Variants in EGF observed in about 807,000 individuals in gnomAD.
The protein encoded by EGF is epidermal growth factor, also known as pro-epidermal growth factor.
In EGF, 95 loss-of-function variants were observed where a neutral mutation model predicts 143.8. The observed-to-expected ratio is 0.66, with a 90% CI of 0.56 to 0.78. The LOEUF (loss-of-function observed/expected upper bound fraction) is 0.78. EGF is among the 30% of genes least tolerant of loss of function. The pLI is 0.00. For missense variants in EGF, 1,320 were observed against 1,470.9 expected, an observed-to-expected ratio of 0.90 and a Z score of 1.68; for synonymous variants, 510 against 510.5, an observed-to-expected ratio of 1.00 and a Z score of 0.01.
At position 109,994,402 on chromosome 4, in the gene EGF, A is replaced by C. The variant is rs74566675; in HGVS notation, c.2858-331A>C. ...AGACCTTGAAGCTAACTGTCACTTC[A>C]CATGGTTAGTGTATGTTTGTGTGTG... is the stretch of plus-strand genomic sequence containing the variant. On this transcript the variant is annotated intron_variant, in intron 19 of 23. Coordinates refer to ENST00000265171, the MANE Select transcript of EGF (RefSeq NM_001963.6). Among the ~76,000 whole-genome samples, 19 of 152,316 alleles carry C rather than the reference A, an allele frequency of 1.2e-4. 1 individual carries two copies. In the East Asian group the frequency reaches 3.7e-3, roughly 29 times the overall value.
chr4:109,948,723 C>A lies in EGF; in HGVS notation c.940+3448C>A, dbSNP rs1040395775. On this transcript the variant is annotated intron_variant, in intron 5 of 23. Coordinates refer to ENST00000265171, the MANE Select transcript of EGF (RefSeq NM_001963.6). ...CTGGTCTCAAACTCCTGAGCTCAAG[C>A]GATCTGCCTGCCTCAGCCTCCCAAA... 3.9e-5 allele frequency among the ~76,000 whole-genome samples: 6 copies of A among 152,012 alleles called. No individual in the cohort carries two copies. The South Asian group carries it at 1.2e-3, about 31-fold the overall frequency.
At chr4:109,998,778 G>T (rs182364564) in intron 20 of EGF, among the ~76,000 whole-genome samples, 2 of 152,264 alleles carry the variant, frequency 1.3e-5, no homozygotes, top group Admixed American at 1.3e-4. Context: ...AGTCCTTTTG[G>T]AATAAAGTGG....
At chr4:109,988,175 T>C (rs1750421642) in intron 17 of EGF, among the ~76,000 whole-genome samples, 1 of 150,918 alleles carries the variant, frequency 6.6e-6, no homozygotes, top group South Asian at 2.1e-4. Flanking sequence ...ACTTCACCAA[T>C]TCCAATGAAA....
chr4:109,986,453 C>T (rs778739466), intron 16 of EGF, among the ~76,000 whole-genome samples: 10 of 152,302 alleles, frequency 6.6e-5, no homozygotes, highest in Non-Finnish European at 1.0e-4. Flanking sequence ...GCATGAAAGG[C>T]ATCTGCTCCC....
rs973806292 is a variant in EGF, at chr4:110,004,399, A to G, written c.3174-106A>G. On this transcript the variant is annotated intron_variant, in intron 21 of 23. Coordinates refer to ENST00000265171, the MANE Select transcript of EGF (RefSeq NM_001963.6). ...CATATTTCTTCTCTCCCACACAAGT[A>G]CTTAAATTTTAGTAGCAAAAGCAGT... 3.3e-6 allele frequency: 3 copies of G among 905,804 alleles called. No individual in the cohort carries two copies. The African/African-American group carries it at 4.9e-5, about 15-fold the overall frequency. 56.1% of individuals were successfully genotyped at this position (905,804 alleles called of 1,614,324 possible).
intron 6 of EGF, 141 bp downstream of exon 6, chr4:109,959,578 C>T (rs1406277261): frequency 8.2e-7 from 1 of 1,217,284 alleles, no homozygotes; most frequent in African/African-American, 1.5e-5. Context: ...CTCCCCGTCC[C>T]CCACACAACC....
chr4:109,966,464 T>C (rs1376190062), intron 10 of EGF, among the ~76,000 whole-genome samples: 2 of 152,194 alleles, frequency 1.3e-5, no homozygotes, highest in East Asian at 3.8e-4. Context: ...CTTAGATTGA[T>C]TCCATGACTT....
chr4:109,957,314 C>T (rs1249594457), intron 5 of EGF, among the ~76,000 whole-genome samples: 1 of 152,186 alleles, frequency 6.6e-6, no homozygotes, highest in African/African-American at 2.4e-5. Flanking sequence ...GCCAAATCCC[C>T]AAACAGGTCA....
intron 1 of EGF, among the ~76,000 whole-genome samples, chr4:109,923,104 TA>T (rs1023048737): frequency 5.9e-5 from 9 of 151,452 alleles, no homozygotes; most frequent in African/African-American, 1.2e-4. Context: ...CCCCATTAAT[TA>T]TTTTTTTTAA....
intron 1 of EGF, among the ~76,000 whole-genome samples, chr4:109,939,165 G>A (rs115876900): frequency 0.016 from 2,418 of 152,330 alleles, 51 homozygotes; most frequent in African/African-American, 0.05. Flanking sequence ...GTTGAGCTGC[G>A]TTGGGCTCTG....
At chr4:110,005,036 C>CTTTTTTTTTTTTT (rs538062029) in intron 22 of EGF, among the ~76,000 whole-genome samples, 35 of 80,694 alleles carry the variant, frequency 4.3e-4, no homozygotes, top group Admixed American at 6.9e-4. Context: ...TTTTCTCTGT[C>CTTTTTTTTTTTTT]TTTTTTTTTT....
intron 5 of EGF, among the ~76,000 whole-genome samples, chr4:109,955,498 G>C (rs1235285860): frequency 1.3e-5 from 2 of 152,114 alleles, no homozygotes; most frequent in Non-Finnish European, 2.9e-5. Context: ...CTGAATTCAG[G>C]TCACGTCATC....
chr4:109,999,845 A>C lies in EGF; in HGVS notation c.3172A>C (p.Arg1058=). The change falls in exon 21 of 24, where the codon AGG becomes CGG. Residue 1058 remains arginine, a splice_region_variant and synonymous_variant. Coordinates refer to ENST00000265171, the MANE Select transcript of EGF (RefSeq NM_001963.6). ...LLSLWGAHYY[R]TQKLLSKNPK... is the part of the protein sequence containing the mutation. ...GAGCCTGTGGGGGGCCCACTACTAC[A>C]GGTGACCCTGTCTTTCCTTTGGTAC... The C allele has an allele frequency of 6.2e-7, 1 of 1,613,260 alleles. No individual in the cohort carries two copies. The highest frequency in any genetic ancestry group is 1.3e-5 in the African/African-American group (1 of 75,038).
At position 110,011,693 on chromosome 4, in the gene EGF, C is replaced by A. The variant is rs1048701469; in HGVS notation, c.*238C>A. ...GAATCACTAGGTAACTTATTAGAAA[C>A]CCAAATTGGGACAACAGTGCTTTGT... On this transcript the variant is annotated 3_prime_UTR_variant, in exon 24 of 24. Transcript: ENST00000265171. 3.4e-6 allele frequency: 2 copies of A among 592,304 alleles called. No individual in the cohort carries two copies. The highest frequency in any genetic ancestry group is 2.9e-6 in the Non-Finnish European group (1 of 344,656). 36.7% of individuals were successfully genotyped at this position (592,304 alleles called of 1,614,324 possible). A position where few individuals can be genotyped will look rare whatever the true frequency, so the allele number is the denominator to read the frequency against.
At chr4:109,993,132 A>G in intron 18 of EGF, 115 bp from the exon 19 acceptor site, 1 of 1,306,246 alleles carries the variant, frequency 7.7e-7, no homozygotes. Context: ...TAGGTCTCTG[A>G]GAACATATAG....
chr4:109,936,122 T>C (rs1408709512), intron 1 of EGF, among the ~76,000 whole-genome samples: 1 of 152,246 alleles, frequency 6.6e-6, no homozygotes, highest in African/African-American at 2.4e-5. Flanking sequence ...GAAGGAATGA[T>C]ACCAGCTCCT....
Position 110,012,221 on chromosome 4 carries a change from G to A in EGF, c.*766G>A, listed in dbSNP as rs1754054983. 1.3e-5 allele frequency: 2 copies of A among 152,076 alleles called. No individual in the cohort carries two copies. Among genetic ancestry groups the A allele is most frequent in the Non-Finnish European group, 2.9e-5 (2 of 68,014 alleles). The allele number at this position is 152,076 out of a possible 1,614,324, so 9.4% of individuals were successfully genotyped here. A position where few individuals can be genotyped will look rare whatever the true frequency, so the allele number is the denominator to read the frequency against. ...CTGATTTGTTTTCATTATAGACAAC[G>A]ATGAATTTCTTCTAATTATTTAAAT... is the stretch of plus-strand genomic sequence containing the variant. On this transcript the variant is annotated 3_prime_UTR_variant, in exon 24 of 24. Transcript: ENST00000265171.
chr4:109,921,527 A>G (rs776872185), intron 1 of EGF, among the ~76,000 whole-genome samples: 1 of 151,538 alleles, frequency 6.6e-6, no homozygotes, highest in Non-Finnish European at 1.5e-5. Flanking sequence ...ACAGTGATTC[A>G]TGGTAGGCAC....
chr4:110,004,064 C>T (rs981181743), intron 21 of EGF, among the ~76,000 whole-genome samples: 1 of 152,100 alleles, frequency 6.6e-6, no homozygotes, highest in African/African-American at 2.4e-5. Context: ...ATTTTTTCCA[C>T]AGACTGCCCC....
Sources: gnomAD v4.1 joint callset for allele counts (sites outside exome capture counted in the v4.1 genomes callset) on GRCh38, gnomAD v4.1.1 for gene constraint, MANE v1.5 for transcripts, NCBI Gene and HGNC (gene_info 2026-07-23, HGNC 2026-07-21) for gene names.